Variants in ELOVL6 observed in about 807,000 individuals in gnomAD.
ELOVL6 encodes the protein very long chain fatty acid elongase 6.
In ELOVL6, 8 loss-of-function variants were observed where a neutral mutation model predicts 31.7. That is an observed-to-expected ratio of 0.25 (90% CI 0.15 to 0.45). The LOEUF is 0.45. ELOVL6 is among the 20% of genes least tolerant of loss of function. The pLI, the probability that ELOVL6 is intolerant of heterozygous loss-of-function variation, is 1.00. For missense variants in ELOVL6, 126 were observed against 326.4 expected (o/e 0.39, Z 4.73); for synonymous variants, 101 against 117.7 (o/e 0.86, Z 0.92).
At chr4:110,179,303 G>A (rs143660303) in intron 1 of ELOVL6, among the ~76,000 whole-genome samples, 6,634 of 152,036 alleles carry the variant, frequency 0.044, 201 homozygotes, top group South Asian at 0.12. Flanking sequence ...TCAGGAGTTC[G>A]AGACCAGCCT....
At chr4:110,166,383 C>A (rs1758773610) in intron 1 of ELOVL6, among the ~76,000 whole-genome samples, 1 of 152,122 alleles carries the variant, frequency 6.6e-6, no homozygotes. Context: ...GAGGCCAAGG[C>A]AGGTGGATCA....
In ELOVL6 at chr4:110,046,445, G is replaced by GA. The variant is rs1253699234; in HGVS notation, c.*4892dup. The GA allele has an allele frequency of 6.6e-6, 1 of 152,142 alleles. No homozygotes were observed. Among genetic ancestry groups the GA allele is most frequent in the East Asian group, 1.9e-4 (1 of 5,196 alleles). 9.4% of individuals were successfully genotyped at this position (152,142 alleles called of 1,614,324 possible). A position where few individuals can be genotyped will look rare whatever the true frequency, so the allele number is the denominator to read the frequency against. On this transcript the variant is annotated 3_prime_UTR_variant, in exon 4 of 4. Transcript: ENST00000302274. Reference sequence around the variant, plus strand: ...TTGAGCTCTCCCAAGCCCCACTCACGAATGTGCTCCCACTGTCCATCTAAC... The same window carrying GA: ...TTGAGCTCTCCCAAGCCCCACTCACGAAATGTGCTCCCACTGTCCATCTAAC...
intron 1 of ELOVL6, among the ~76,000 whole-genome samples, chr4:110,130,680 T>C (rs781174392): frequency 6.6e-6 from 1 of 152,178 alleles, no homozygotes; most frequent in African/African-American, 2.4e-5. Flanking sequence ...CCATCATCCA[T>C]CCGGCCAAGG....
At chr4:110,128,768 A>G (rs1757584606) in intron 1 of ELOVL6, among the ~76,000 whole-genome samples, 1 of 152,196 alleles carries the variant, frequency 6.6e-6, no homozygotes, top group African/African-American at 2.4e-5. Context: ...ATATAAAATT[A>G]TGCTCCTCCC....
intron 2 of ELOVL6, among the ~76,000 whole-genome samples, chr4:110,087,633 T>A (rs1280816295): frequency 1.6e-4 from 24 of 152,000 alleles, no homozygotes; most frequent in Admixed American, 1.5e-3. Context: ...CTGGAATGAG[T>A]TTTTTAGTTT....
intron 1 of ELOVL6, among the ~76,000 whole-genome samples, chr4:110,127,586 C>CATACAT (rs758595379): frequency 6.6e-6 from 1 of 151,274 alleles, no homozygotes; most frequent in Non-Finnish European, 1.5e-5. Flanking sequence ...AGTTAGTTTT[C>CATACAT]CAGGTGAAAG....
rs1352216802 is a variant in ELOVL6, at chr4:110,084,225, G to T, written c.221+21272C>A. ...GATATATATAACATATAACTTATATGATATATATAACATATATGATATATA... is the reference window on the plus strand; with the variant it reads ...GATATATATAACATATAACTTATATTATATATATAACATATATGATATATA... On this transcript the variant is annotated intron_variant, in intron 2 of 3. Coordinates refer to ENST00000302274, the MANE Select transcript of ELOVL6 (RefSeq NM_024090.3). Among the ~76,000 whole-genome samples the T allele has an allele frequency of 4.3e-4, 30 of 69,858 alleles. 5 individuals are homozygous for T. The East Asian group carries it at 0.018, about 43-fold the overall frequency. 45.8% of individuals were successfully genotyped at this position (69,858 alleles called of 152,430 possible). A position where few individuals can be genotyped will look rare whatever the true frequency, so the allele number is the denominator to read the frequency against.
At chr4:110,123,607 G>T (rs1296076758) in intron 1 of ELOVL6, among the ~76,000 whole-genome samples, 5 of 152,190 alleles carry the variant, frequency 3.3e-5, no homozygotes, top group African/African-American at 1.2e-4. Flanking sequence ...ACAGAGCACA[G>T]TGTTAAACAG....
chr4:110,187,475 G>A (rs1030202061), intron 1 of ELOVL6, among the ~76,000 whole-genome samples: 13 of 151,472 alleles, frequency 8.6e-5, no homozygotes, highest in Admixed American at 7.3e-4. Flanking sequence ...TTGGGAGGCC[G>A]AGGCAGGCGG....
At chr4:110,118,247 T>C (rs1757245378) in intron 1 of ELOVL6, among the ~76,000 whole-genome samples, 1 of 151,786 alleles carries the variant, frequency 6.6e-6, no homozygotes, top group Non-Finnish European at 1.5e-5. Flanking sequence ...TGTGAGCCAC[T>C]GCGCCTGGCC....
intron 2 of ELOVL6, among the ~76,000 whole-genome samples, chr4:110,104,567 A>T (rs1756834700): frequency 6.6e-6 from 1 of 152,250 alleles, no homozygotes; most frequent in Non-Finnish European, 1.5e-5. Flanking sequence ...TTCTGCTTAG[A>T]ACAGTTAATA....
chr4:110,095,737 G>C (rs1186396801), intron 2 of ELOVL6, among the ~76,000 whole-genome samples: 1 of 152,162 alleles, frequency 6.6e-6, no homozygotes, highest in Non-Finnish European at 1.5e-5. Flanking sequence ...AACATTTGAA[G>C]GACAGCAACT....
At chr4:110,132,718 T>C (rs977081687) in intron 1 of ELOVL6, among the ~76,000 whole-genome samples, 3 of 152,082 alleles carry the variant, frequency 2.0e-5, no homozygotes, top group Non-Finnish European at 4.4e-5. Flanking sequence ...TGTGTGGCTG[T>C]AATCCCAGCT....
chr4:110,124,513 C>T (rs1320552611), intron 1 of ELOVL6, among the ~76,000 whole-genome samples: 1 of 152,088 alleles, frequency 6.6e-6, no homozygotes, highest in Admixed American at 6.6e-5. Context: ...AATGAGAACA[C>T]ATGGACACGA....
At chr4:110,089,382 G>C (rs1756355970) in intron 2 of ELOVL6, among the ~76,000 whole-genome samples, 1 of 152,062 alleles carries the variant, frequency 6.6e-6, no homozygotes, top group Non-Finnish European at 1.5e-5. Flanking sequence ...CCAATACAAA[G>C]GGCTGACTTT....
At chr4:110,198,119 T>C (rs1471827926) in intron 1 of ELOVL6, 128 bp downstream of exon 1, 3 of 504,330 alleles carry the variant, frequency 5.9e-6, no homozygotes, top group East Asian at 5.5e-5. Context: ...ACCCGAGAAC[T>C]CAGCGATCAG....
chr4:110,139,741 C>T (rs1318312855), intron 1 of ELOVL6, among the ~76,000 whole-genome samples: 2 of 152,140 alleles, frequency 1.3e-5, no homozygotes, highest in Non-Finnish European at 1.5e-5. Flanking sequence ...CCACTTCAGC[C>T]AACCTCTCAT....
intron 1 of ELOVL6, 60 bp downstream of exon 1, chr4:110,198,187 G>T: frequency 9.8e-7 from 1 of 1,021,602 alleles, no homozygotes. Context: ...CCGACATTAA[G>T]GCACTCCGGG....
intron 1 of ELOVL6, among the ~76,000 whole-genome samples, chr4:110,164,009 A>T (rs2126270331): frequency 6.6e-6 from 1 of 152,356 alleles, no homozygotes; most frequent in South Asian, 2.1e-4. Flanking sequence ...TTGGCTAGGA[A>T]TTCATTACTC....
Sources: gnomAD v4.1 joint callset for allele counts (sites outside exome capture counted in the v4.1 genomes callset) on GRCh38, gnomAD v4.1.1 for gene constraint, MANE v1.5 for transcripts, NCBI Gene and HGNC (gene_info 2026-07-23, HGNC 2026-07-21) for gene names.